TUBGCP3: variants seen among roughly 807,000 people sequenced by gnomAD.
TUBGCP3 encodes tubulin gamma complex component 3.
A neutral mutation model predicts 123.1 loss-of-function variants in TUBGCP3; 50 were observed. The ratio of observed to expected loss-of-function variants is 0.41; its 90% CI spans 0.32 to 0.51. TUBGCP3 has a LOEUF of 0.51. Among genes scored for constraint, TUBGCP3 ranks in the 20% least tolerant of loss-of-function variants. The probability of loss-of-function intolerance (pLI) is 0.36; values close to 1 mark genes in which losing one functional copy is unlikely to be tolerated. For missense variants in TUBGCP3, 882 were observed against 1,127.0 expected, an observed-to-expected ratio of 0.78 and a Z score of 3.11; for synonymous variants, 405 against 413.9, an observed-to-expected ratio of 0.98 and a Z score of 0.26.
chr13:112,526,797 A>C, intron 13 of TUBGCP3, 145 bp downstream of exon 13: 1 of 622,218 alleles, frequency 1.6e-6, no homozygotes, highest in East Asian at 2.8e-5. Context: ...CAACATCATT[A>C]TCATCACATC....
chr13:112,522,578 G>C, intron 13 of TUBGCP3, 69 bp from the exon 14 acceptor site: 1 of 1,496,170 alleles, frequency 6.7e-7, no homozygotes, highest in East Asian at 2.3e-5. Flanking sequence ...AGAAATGAAG[G>C]CACATACATC....
rs779170471 is a variant in TUBGCP3, at chr13:112,558,211, T to A, written c.533A>T (p.Gln178Leu). 13 of 1,610,696 alleles carry A rather than the reference T, an allele frequency of 8.1e-6. No individual in the cohort carries two copies. Among genetic ancestry groups the A allele is most frequent in the Non-Finnish European group, 1.0e-5 (12 of 1,178,942 alleles). The change falls in exon 5 of 22, where the codon CAA becomes CTA. Residue 178 changes from glutamine (Q) to leucine (L), a missense_variant. Gln to Leu is a moderately radical substitution (Grantham distance 113, BLOSUM62 -2). This residue lies in a region of TUBGCP3 where 713 missense variants were observed against 874.0 expected (regional missense o/e 0.82). Coordinates refer to ENST00000261965, the MANE Select transcript of TUBGCP3 (RefSeq NM_006322.6). ...CALSGPAPAP[Q>L]SLLPGQSNQA... ...GTGGCCTTACCCTGGGAGGAGAGAT[T>A]GTGGCGCAGGCGCGGGGCCACTGAG...
intron 2 of TUBGCP3, among the ~76,000 whole-genome samples, chr13:112,567,595 C>T (rs1881052895): frequency 1.3e-5 from 2 of 152,132 alleles, no homozygotes; most frequent in Non-Finnish European, 2.9e-5. Flanking sequence ...CATTTTTATT[C>T]CCCGTCTTAA....
At chr13:112,549,429 C>A (rs1309175541) in intron 8 of TUBGCP3, among the ~76,000 whole-genome samples, 1 of 151,998 alleles carries the variant, frequency 6.6e-6, no homozygotes. Flanking sequence ...CACATGTATA[C>A]ATATGTAACA....
intron 13 of TUBGCP3, among the ~76,000 whole-genome samples, chr13:112,526,480 A>ACCAT (rs1432959561): frequency 5.6e-5 from 8 of 142,046 alleles, no homozygotes; most frequent in African/African-American, 2.1e-4. Context: ...CACTATCATC[A>ACCAT]CACCATCACC....
chr13:112,554,856 A>T (rs765668225), intron 7 of TUBGCP3, 31 bp downstream of exon 7: 1 of 1,481,832 alleles, frequency 6.7e-7, no homozygotes. Flanking sequence ...TTCTTTCTGA[A>T]TATTTTAACT....
chr13:112,554,294 C>T (rs1879842315), intron 7 of TUBGCP3, 112 bp from the exon 8 acceptor site: 3 of 1,293,930 alleles, frequency 2.3e-6, no homozygotes, highest in African/African-American at 1.5e-5. Flanking sequence ...GGCTTCAAGA[C>T]ATAAAAGTTA....
intron 3 of TUBGCP3, among the ~76,000 whole-genome samples, chr13:112,561,628 T>C (rs910962993): frequency 6.6e-6 from 1 of 152,132 alleles, no homozygotes; most frequent in African/African-American, 2.4e-5. Flanking sequence ...TGCGGGTGGA[T>C]GCAAATGGAC....
rs200478472 is a variant in TUBGCP3 at position 112,547,638 on chromosome 13, G to C, written c.1150C>G (p.Leu384Val). The C allele has an allele frequency of 6.4e-7, 1 of 1,555,318 alleles. No individual in the cohort carries two copies. The highest frequency in any genetic ancestry group is 1.9e-5 in the Admixed American group (1 of 53,026). ...PKIRLKTLAA[L>V]VDHCQGRKGG... is the part of the protein sequence containing the mutation. ...GTGGGACCTTGGCAGTGGTCCACTA[G>C]GGCCGCAAGGGTCTTCAGTCGTATT... is the stretch of plus-strand genomic sequence containing the variant. The change falls in exon 10 of 22, where the codon CTA becomes GTA. Residue 384 changes from leucine (L) to valine (V), a missense_variant. This residue lies in a region of TUBGCP3 where 713 missense variants were observed against 874.0 expected (regional missense o/e 0.82). Coordinates refer to ENST00000261965, the MANE Select transcript of TUBGCP3 (RefSeq NM_006322.6).
intron 8 of TUBGCP3, among the ~76,000 whole-genome samples, chr13:112,549,131 T>A (rs1332298380): frequency 6.6e-6 from 1 of 152,172 alleles, no homozygotes. Context: ...GTGGCACATA[T>A]ACACCATGGA....
At chr13:112,542,409 G>C (rs1276278847) in intron 11 of TUBGCP3, among the ~76,000 whole-genome samples, 2 of 152,076 alleles carry the variant, frequency 1.3e-5, no homozygotes, top group African/African-American at 4.8e-5. Context: ...CTCTATCAAA[G>C]GAAACGCCCA....
chr13:112,560,833 C>A (rs1880459196), intron 3 of TUBGCP3, among the ~76,000 whole-genome samples: 1 of 152,202 alleles, frequency 6.6e-6, no homozygotes, highest in African/African-American at 2.4e-5. Flanking sequence ...AGACCCAGCC[C>A]TGATGGAGTG....
At chr13:112,548,929 A>G (rs2139184813) in intron 8 of TUBGCP3, among the ~76,000 whole-genome samples, 1 of 152,338 alleles carries the variant, frequency 6.6e-6, no homozygotes, top group Admixed American at 6.5e-5. Context: ...CAGTGTGGCG[A>G]TTCCTCAAGG....
chr13:112,554,086 G>A lies in TUBGCP3; in HGVS notation c.937C>T (p.Leu313=), dbSNP rs1310689073. 6.2e-7 allele frequency: 1 copy of A among 1,614,094 alleles called. No individual in the cohort carries two copies. ...KIRRYTDQRS[L]DRSFGLVGQS... ...CCGACGAGTCCGAATGAGCGGTCCAGGCTCCTCTGGTCCGTGTATCTTCTG... is the reference window on the plus strand; with the variant it reads ...CCGACGAGTCCGAATGAGCGGTCCAAGCTCCTCTGGTCCGTGTATCTTCTG... Residue 313 remains leucine (L), a synonymous_variant, in exon 8 of 22, where the codon CTG becomes TTG. Transcript: ENST00000261965.
chr13:112,605,337 T>TAATAATAATAATAACAAC, the TUBGCP3 span: 2 of 147,238 alleles, frequency 1.4e-5, no homozygotes, highest in Non-Finnish European at 3.0e-5. Flanking sequence ...ATAATAATAA[T>TAATAATAATAATAACAAC]AACAACAGCT....
upstream of TUBGCP3, among the ~76,000 whole-genome samples, chr13:112,591,182 CT>C (rs1882875141): frequency 6.6e-6 from 1 of 152,224 alleles, no homozygotes; most frequent in Admixed American, 6.5e-5. Context: ...CTAACCAACC[CT>C]TGTGCCACTA....
intron 1 of TUBGCP3, among the ~76,000 whole-genome samples, chr13:112,586,816 T>C (rs960817762): frequency 2.6e-5 from 4 of 151,914 alleles, no homozygotes; most frequent in African/African-American, 9.7e-5. Context: ...GAGGACGGGG[T>C]TGTCCTCAAA....
At chr13:112,528,908 C>T (rs183993859) in intron 11 of TUBGCP3, among the ~76,000 whole-genome samples, 191 of 152,124 alleles carry the variant, frequency 1.3e-3, no homozygotes, top group Non-Finnish European at 2.2e-3. Flanking sequence ...CTGGAGTACA[C>T]TGGCATGATC....
At position 112,511,299 on chromosome 13, in the gene TUBGCP3, G is replaced by A. The variant is rs921871675; in HGVS notation, c.2086+5141C>T. ...CCTTTCCTGGTAAGATAAAATCTGC[G>A]GTGCTGCTTTACATGGAAAAGTGGC... is the stretch of plus-strand genomic sequence containing the variant. On this transcript the variant is annotated intron_variant, in intron 17 of 21. Transcript: ENST00000261965. The surrounding 1 kb of genome is among the most constrained non-coding windows in gnomAD (Gnocchi z 4.1). Among the ~76,000 whole-genome samples the A allele has an allele frequency of 1.2e-4, 18 of 152,138 alleles. No individual in the cohort carries two copies. The highest frequency in any genetic ancestry group is 3.9e-4 in the African/African-American group (16 of 41,426).
Sources: gnomAD v4.1 joint callset for allele counts (sites outside exome capture counted in the v4.1 genomes callset) on GRCh38, gnomAD v4.1.1 for gene constraint, gnomAD v4.1.1 regional missense constraint, Gnocchi (gnomAD v3.1) non-coding constraint, MANE v1.5 for transcripts, NCBI Gene and HGNC (gene_info 2026-07-23, HGNC 2026-07-21) for gene names.